The following CTTN variants were observed in gnomAD, a reference collection of about 807,000 sequenced individuals.
The protein encoded by CTTN is src substrate cortactin.
A neutral mutation model predicts 84.0 loss-of-function variants in CTTN; 28 were observed. The observed-to-expected ratio is 0.33, with a 90% CI of 0.25 to 0.46. The LOEUF is 0.46. CTTN is among the 20% of genes least tolerant of loss of function. The pLI is 1.00. For missense variants in CTTN, 641 were observed against 723.8 expected (o/e 0.89, Z 1.31); for synonymous variants, 301 against 288.8 (o/e 1.04, Z -0.43).
At chr11:70,418,266 C>T (rs2058186673) in intron 8 of CTTN, among the ~76,000 whole-genome samples, 1 of 152,254 alleles carries the variant, frequency 6.6e-6, no homozygotes, top group African/African-American at 2.4e-5. Flanking sequence ...CCTTGCCTTC[C>T]TGCCGGTCAG....
intron 17 of CTTN, 72 bp from the exon 18 acceptor site, chr11:70,434,954 G>A: frequency 6.5e-7 from 1 of 1,548,870 alleles, no homozygotes; most frequent in Admixed American, 1.7e-5. Context: ...GCTTGCTCTG[G>A]GTTGTGCTTT....
At chr11:70,428,727 A>G (rs1383674925) in intron 13 of CTTN, among the ~76,000 whole-genome samples, 1 of 152,272 alleles carries the variant, frequency 6.6e-6, no homozygotes. Context: ...TGCTTTATCA[A>G]GGACAGATGT....
chr11:70,434,809 A>G (rs1054534632), intron 17 of CTTN, among the ~76,000 whole-genome samples: 4 of 152,180 alleles, frequency 2.6e-5, no homozygotes, highest in African/African-American at 9.7e-5. Context: ...TGCTTGTGTG[A>G]AGGGCTCTGT....
At chr11:70,415,091 C>T (rs772284447) in intron 6 of CTTN, among the ~76,000 whole-genome samples, 6 of 152,112 alleles carry the variant, frequency 3.9e-5, no homozygotes, top group Non-Finnish European at 8.8e-5. Context: ...CTCTTCGGCT[C>T]GGGTCTGTTG....
rs1369274269 is a variant in CTTN, at chr11:70,419,756, A to C, written c.579A>C (p.Lys193Asn). 6.2e-7 allele frequency: 1 copy of C among 1,609,640 alleles called. No homozygotes were observed. Among genetic ancestry groups the C allele is most frequent in the Non-Finnish European group, 8.5e-7 (1 of 1,179,102 alleles). ...EKHESQRDYS[K>N]GFGGKYGIDK... ...TTTGTTTGTTTTTAGATTACTCCAA[A>C]GGTTTCGGCGGCAAATACGGTATCG... is the stretch of plus-strand genomic sequence containing the variant. The change falls in exon 9 of 18, where the codon AAA becomes AAC. Residue 193 changes from lysine (K) to asparagine (N), a missense_variant. Physicochemically the swap from Lys to Asn is moderately conservative, Grantham distance 94. This residue lies in a region of CTTN where 284 missense variants were observed against 348.4 expected (regional missense o/e 0.82). Coordinates refer to ENST00000301843, the MANE Select transcript of CTTN (RefSeq NM_005231.4).
intron 15 of CTTN, among the ~76,000 whole-genome samples, chr11:70,432,459 C>A (rs482438): frequency 0.23 from 34,311 of 152,192 alleles, 4,196 homozygotes; most frequent in South Asian, 0.28. Context: ...TCAGTCACTG[C>A]CGGTGACATC....
Position 70,419,874 on chromosome 11 carries a change from T to G in CTTN, c.679+18T>G, listed in dbSNP as rs1449307076. The G allele has an allele frequency of 1.9e-6, 3 of 1,589,224 alleles. No individual in the cohort carries two copies. The highest frequency in any genetic ancestry group is 1.1e-5 in the South Asian group (1 of 89,196). On this transcript the variant is annotated intron_variant, in intron 9 of 17. Transcript: ENST00000301843. ...CCAGAAAGGTGTCTTCCGTTTTATC[T>G]TACCCTCCAGCCAGCAGCTAGTAAT... is the stretch of plus-strand genomic sequence containing the variant.
At chr11:70,425,168 C>A (rs1321743047) in intron 12 of CTTN, among the ~76,000 whole-genome samples, 164 bp from the exon 13 acceptor site, 2 of 152,148 alleles carry the variant, frequency 1.3e-5, no homozygotes, top group Non-Finnish European at 1.5e-5. Flanking sequence ...AGTTTTCATG[C>A]CTCAGTTAGT....
At chr11:70,399,920 G>GGC (rs2057956627) in intron 1 of CTTN, among the ~76,000 whole-genome samples, 1 of 152,178 alleles carries the variant, frequency 6.6e-6, no homozygotes, top group Non-Finnish European at 1.5e-5. Context: ...CCAAGGCCGT[G>GGC]GCGCAGGAGG....
intron 4 of CTTN, among the ~76,000 whole-genome samples, chr11:70,408,525 G>A (rs1052929933): frequency 6.6e-6 from 1 of 152,122 alleles, no homozygotes; most frequent in Non-Finnish European, 1.5e-5. Flanking sequence ...AGCTTCCTGA[G>A]TAGCTGGAAC....
chr11:70,414,734 G>A, intron 6 of CTTN, 82 bp downstream of exon 6: 2 of 986,868 alleles, frequency 2.0e-6, no homozygotes, highest in Non-Finnish European at 3.2e-6. Flanking sequence ...TGGGCCACTT[G>A]TAGTAGCAGG....
At chr11:70,411,704 C>T (rs969629015) in intron 5 of CTTN, among the ~76,000 whole-genome samples, 12 of 152,134 alleles carry the variant, frequency 7.9e-5, no homozygotes, top group African/African-American at 1.4e-4. Context: ...TTTTTCAGCG[C>T]GAATCTCGCT....
At chr11:70,400,123 C>T (rs1225903171) in intron 1 of CTTN, among the ~76,000 whole-genome samples, 2 of 152,172 alleles carry the variant, frequency 1.3e-5, no homozygotes, top group Non-Finnish European at 2.9e-5. Context: ...GATATTAGGT[C>T]CCCTAGAACT....
intron 14 of CTTN, among the ~76,000 whole-genome samples, chr11:70,429,827 G>C (rs1358870894): frequency 6.9e-6 from 1 of 145,240 alleles, no homozygotes; most frequent in South Asian, 2.1e-4. Flanking sequence ...AGCTGGATCA[G>C]GGGGGTTGTG....
chr11:70,405,235 C>T (rs2058028979), intron 1 of CTTN, 30 bp from the exon 2 acceptor site: 1 of 152,246 alleles, frequency 6.6e-6, no homozygotes. Flanking sequence ...ATACATCCTT[C>T]TCAGCTTTTT....
rs571197714 is a variant in CTTN, at chr11:70,402,109, C to T, written c.-97-3156C>T. ...CAGAGGTTGCAGTGAGCCGAGATCG[C>T]GCTGTTGCACTCCAACCTAGGCAAC... On this transcript the variant is annotated intron_variant, in intron 1 of 17. Transcript: ENST00000301843. Among the ~76,000 whole-genome samples the T allele has an allele frequency of 9.2e-5, 14 of 152,192 alleles. No homozygotes were observed. The South Asian group carries it at 1.0e-3, about 11-fold the overall frequency.
At position 70,421,546 on chromosome 11, in the gene CTTN, C is replaced by G; in HGVS notation, c.867C>G (p.Tyr289Ter). The G allele has an allele frequency of 1.2e-6, 2 of 1,614,084 alleles. No homozygotes were observed. The highest frequency in any genetic ancestry group is 1.7e-6 in the Non-Finnish European group (2 of 1,179,962). ...RQDSAAVGFD[Y>*]KEKLAKHESQ... ...ACTCCGCTGCTGTGGGGTTTGATTA[C>G]AAGGAGAAGCTGGCCAAGCACGAGT... Residue 289 changes from tyrosine (Y) to a stop codon, truncating the protein, a stop_gained, in exon 11 of 18, where the codon TAC (tyrosine) becomes TAG (stop). Coordinates refer to ENST00000301843, the MANE Select transcript of CTTN (RefSeq NM_005231.4). LOFTEE classifies it high-confidence loss of function.
chr11:70,423,185 G>T (rs1043844350), intron 12 of CTTN, among the ~76,000 whole-genome samples, 190 bp downstream of exon 12: 5 of 152,118 alleles, frequency 3.3e-5, no homozygotes, highest in African/African-American at 1.2e-4. Flanking sequence ...TGGGATAGGC[G>T]CTGGCACCGG....
chr11:70,432,755 A>G (rs2058368299), intron 15 of CTTN, among the ~76,000 whole-genome samples: 1 of 152,200 alleles, frequency 6.6e-6, no homozygotes, highest in African/African-American at 2.4e-5. Flanking sequence ...TGAGGCCTAA[A>G]AAAAGAAATC....
Sources: allele counts gnomAD v4.1 joint callset (sites outside exome capture counted in the v4.1 genomes callset), GRCh38; gene constraint gnomAD v4.1.1; regional missense constraint gnomAD v4.1.1; transcripts MANE v1.5; gene names NCBI Gene and HGNC (gene_info 2026-07-23, HGNC 2026-07-21).